Variants in ANO10 observed in about 807,000 individuals in gnomAD.
ANO10 encodes the protein anoctamin-10.
A neutral mutation model predicts 74.7 loss-of-function variants in ANO10; 77 were observed. The ratio of observed to expected loss-of-function variants is 1.03; its 90% confidence interval spans 0.86 to 1.25. The LOEUF (loss-of-function observed/expected upper bound fraction) is 1.25. ANO10 is among the 50% of genes most tolerant of loss of function. ANO10 has a pLI of 0.00. For synonymous variants in ANO10, 279 were observed against 284.9 expected (o/e 0.98, Z 0.21); for missense variants, 721 against 778.1 (o/e 0.93, Z 0.87).
Position 43,673,205 on chromosome 3 carries a change from C to A in ANO10, c.-12+18312G>T, listed in dbSNP as rs190338975. Among the ~76,000 whole-genome samples the A allele has an allele frequency of 8.9e-4, 136 of 152,224 alleles. 2 individuals carry two copies. The highest frequency in any genetic ancestry group is 3.1e-3 in the African/African-American group (129 of 41,526). ...GCCAATTTGCTGAATTACTTAGAACCAAGTATTTATTGCTTCACAAACAGA... is the reference window on the plus strand; with the variant it reads ...GCCAATTTGCTGAATTACTTAGAACAAAGTATTTATTGCTTCACAAACAGA... On this transcript the variant is annotated intron_variant, in intron 1 of 3. Coordinates refer to the ANO10 transcript ENST00000413397.
chr3:43,367,703 C>T (rs1453566396), intron 12 of ANO10, among the ~76,000 whole-genome samples: 1 of 152,176 alleles, frequency 6.6e-6, no homozygotes, highest in Non-Finnish European at 1.5e-5. Flanking sequence ...GCTGCTCCTA[C>T]CTTCCCCTAC....
intron 1 of ANO10, among the ~76,000 whole-genome samples, chr3:43,651,585 A>G (rs2083788182): frequency 6.6e-6 from 1 of 152,236 alleles, no homozygotes; most frequent in Non-Finnish European, 1.5e-5. Flanking sequence ...TTGAATGTGG[A>G]AAAGATGATG....
intron 12 of ANO10, among the ~76,000 whole-genome samples, chr3:43,373,800 C>A (rs150322305): frequency 1.5e-3 from 228 of 152,270 alleles, no homozygotes; most frequent in African/African-American, 5.3e-3. Flanking sequence ...TACCAACCAA[C>A]GCTACAGGCC....
chr3:43,413,733 C>T (rs868548694), intron 12 of ANO10, among the ~76,000 whole-genome samples: 1 of 150,356 alleles, frequency 6.7e-6, no homozygotes, highest in African/African-American at 2.5e-5. Context: ...TCATCAACAG[C>T]GGCAGACCGT....
chr3:43,432,868 C>A, intron 11 of ANO10, 141 bp from the exon 12 acceptor site: 1 of 656,176 alleles, frequency 1.5e-6, no homozygotes, highest in Non-Finnish European at 2.8e-6. Flanking sequence ...TATCAAAGAC[C>A]AAGCAGGCCC....
intron 1 of ANO10, among the ~76,000 whole-genome samples, chr3:43,655,460 G>A (rs1343001990): frequency 6.6e-6 from 1 of 152,210 alleles, no homozygotes; most frequent in African/African-American, 2.4e-5. Context: ...AAGAGCGAAA[G>A]AACAAAGCTT....
At chr3:43,417,870 T>A (rs922519293) in intron 12 of ANO10, among the ~76,000 whole-genome samples, 1 of 152,192 alleles carries the variant, frequency 6.6e-6, no homozygotes, top group African/African-American at 2.4e-5. Context: ...CTCCCTCAGC[T>A]CTAAGCTTAT....
At chr3:43,395,437 A>G (rs2092358411) in intron 12 of ANO10, among the ~76,000 whole-genome samples, 1 of 152,132 alleles carries the variant, frequency 6.6e-6, no homozygotes, top group Admixed American at 6.6e-5. Flanking sequence ...AGAATTTTAG[A>G]TTTTACATCT....
At chr3:43,668,991 G>A (rs1559393914) in intron 1 of ANO10, among the ~76,000 whole-genome samples, 1 of 152,120 alleles carries the variant, frequency 6.6e-6, no homozygotes, top group Non-Finnish European at 1.5e-5. Flanking sequence ...TTGCCCAAGA[G>A]TTTGTAATGT....
At chr3:43,539,090 C>T (rs1337191793) in intron 11 of ANO10, among the ~76,000 whole-genome samples, 1 of 152,090 alleles carries the variant, frequency 6.6e-6, no homozygotes, top group Non-Finnish European at 1.5e-5. Flanking sequence ...CCTCTTATCC[C>T]CCAATTCATA....
At chr3:43,634,342 A>G in intron 1 of ANO10, among the ~76,000 whole-genome samples, 1 of 152,332 alleles carries the variant, frequency 6.6e-6, no homozygotes, top group Middle Eastern at 3.4e-3. Flanking sequence ...CACTTAGTAT[A>G]AAAATAAAAG....
At chr3:43,679,624 G>A (rs1308605817) in intron 1 of ANO10, among the ~76,000 whole-genome samples, 1 of 152,244 alleles carries the variant, frequency 6.6e-6, no homozygotes, top group African/African-American at 2.4e-5. Flanking sequence ...GGAGATCTGA[G>A]AACGGACAGA....
chr3:43,609,037 T>A (rs987271661), intron 1 of ANO10, among the ~76,000 whole-genome samples: 2 of 152,234 alleles, frequency 1.3e-5, no homozygotes, highest in Admixed American at 6.5e-5. Context: ...TTGTTGAATT[T>A]CTCACTACAT....
chr3:43,407,048 C>G (rs191733535), intron 12 of ANO10, among the ~76,000 whole-genome samples: 1 of 152,066 alleles, frequency 6.6e-6, no homozygotes, highest in Non-Finnish European at 1.5e-5. Flanking sequence ...GGACTACAGG[C>G]ATGTGCCACC....
intron 1 of ANO10, among the ~76,000 whole-genome samples, chr3:43,679,813 G>A (rs547993788): frequency 6.6e-6 from 1 of 152,332 alleles, no homozygotes; most frequent in African/African-American, 2.4e-5. Context: ...CTCCACTGGT[G>A]ATACCCAGGC....
intron 11 of ANO10, among the ~76,000 whole-genome samples, chr3:43,477,464 A>G (rs1354355292): frequency 6.6e-6 from 1 of 152,182 alleles, no homozygotes; most frequent in East Asian, 1.9e-4. Flanking sequence ...CTTCCATTTC[A>G]TTTTATTAAG....
chr3:43,637,279 C>T (rs1467405558), intron 1 of ANO10, among the ~76,000 whole-genome samples: 1 of 152,102 alleles, frequency 6.6e-6, no homozygotes, highest in Non-Finnish European at 1.5e-5. Context: ...ACCAGCCTGG[C>T]CAACATGGTG....
chr3:43,519,405 A>C (rs2077852525), intron 11 of ANO10, among the ~76,000 whole-genome samples: 1 of 152,166 alleles, frequency 6.6e-6, no homozygotes, highest in Non-Finnish European at 1.5e-5. Flanking sequence ...TCAATTCACA[A>C]AACAGATGCC....
intron 11 of ANO10, among the ~76,000 whole-genome samples, chr3:43,518,645 TC>T (rs1266737569): frequency 6.6e-6 from 1 of 152,078 alleles, no homozygotes; most frequent in African/African-American, 2.4e-5. Flanking sequence ...GAGAATGCTT[TC>T]CTAGGGGGAG....
Sources: gnomAD v4.1 joint callset for allele counts (sites outside exome capture counted in the v4.1 genomes callset) on GRCh38, gnomAD v4.1.1 for gene constraint, MANE v1.5 for transcripts, NCBI Gene and HGNC (gene_info 2026-07-23, HGNC 2026-07-21) for gene names.